FOXP1: variants seen among roughly 807,000 people sequenced by gnomAD.
The protein encoded by FOXP1 is forkhead box P1, also known as forkhead box protein P1.
FOXP1 carries 15 observed loss-of-function variants against 98.2 expected under a neutral mutation model. That is an observed-to-expected ratio of 0.15 (90% CI 0.10 to 0.24). The LOEUF (loss-of-function observed/expected upper bound fraction) is 0.24. Ranked by LOEUF, FOXP1 falls within the 10% of genes least tolerant of loss-of-function variation. The probability of loss-of-function intolerance (pLI) is 1.00; values close to 1 mark genes in which losing one functional copy is unlikely to be tolerated. For missense variants in FOXP1, 633 were observed against 848.5 expected (o/e 0.75, Z 3.15); for synonymous variants, 371 against 314.5 (o/e 1.18, Z -1.90).
intron 2 of FOXP1, among the ~76,000 whole-genome samples, chr3:71,546,775 C>G (rs781109555): frequency 2.6e-5 from 4 of 152,214 alleles, no homozygotes; most frequent in Non-Finnish European, 5.9e-5. Flanking sequence ...GCAGCCCACT[C>G]TAAACGGACG....
chr3:71,510,785 G>A (rs1441657227), intron 2 of FOXP1, among the ~76,000 whole-genome samples: 4 of 152,200 alleles, frequency 2.6e-5, no homozygotes, highest in Non-Finnish European at 4.4e-5. Context: ...TTCCTGGCAT[G>A]AACTCCCCAA....
intron 17 of FOXP1, among the ~76,000 whole-genome samples, chr3:70,974,564 A>G (rs1290893065): frequency 6.6e-6 from 1 of 152,206 alleles, no homozygotes; most frequent in Non-Finnish European, 1.5e-5. Flanking sequence ...AAGTGCCGGG[A>G]TCACAGGCAG....
intron 6 of FOXP1, among the ~76,000 whole-genome samples, chr3:71,189,884 C>T (rs561985858): frequency 6.6e-6 from 1 of 152,306 alleles, no homozygotes; most frequent in South Asian, 2.1e-4. Flanking sequence ...CTGATGGAAC[C>T]TAGACTTCAC....
intron 4 of FOXP1, among the ~76,000 whole-genome samples, chr3:71,312,435 G>A (rs1348232800): frequency 6.6e-6 from 1 of 152,170 alleles, no homozygotes; most frequent in Non-Finnish European, 1.5e-5. Flanking sequence ...AGCTCCCCTT[G>A]GAAGGAGCTG....
At chr3:71,364,502 T>C (rs752959669) in intron 3 of FOXP1, among the ~76,000 whole-genome samples, 3 of 152,222 alleles carry the variant, frequency 2.0e-5, no homozygotes, top group Admixed American at 6.5e-5. Flanking sequence ...CAGTTGACAG[T>C]TTCCTAGTTG....
At chr3:71,397,478 T>C (rs1001453883) in intron 3 of FOXP1, among the ~76,000 whole-genome samples, 1 of 152,246 alleles carries the variant, frequency 6.6e-6, no homozygotes, top group African/African-American at 2.4e-5. Context: ...ACTTTCCAAA[T>C]GTACATTATG....
chr3:71,138,179 T>C (rs2059909466), intron 6 of FOXP1, among the ~76,000 whole-genome samples: 2 of 152,202 alleles, frequency 1.3e-5, no homozygotes, highest in Non-Finnish European at 2.9e-5. Context: ...ATGGTGACGC[T>C]GTCTGGAGAA....
At chr3:71,348,501 T>C (rs2107821971) in intron 4 of FOXP1, among the ~76,000 whole-genome samples, 1 of 141,062 alleles carries the variant, frequency 7.1e-6, no homozygotes, top group East Asian at 2.2e-4. Flanking sequence ...CCAGTTGCTG[T>C]GTTCAGTGTG....
At chr3:71,234,133 C>A (rs778288088) in intron 5 of FOXP1, among the ~76,000 whole-genome samples, 4 of 149,476 alleles carry the variant, frequency 2.7e-5, no homozygotes, top group African/African-American at 5.0e-5. Context: ...TCATTAAAAT[C>A]GCTTTTACAT....
chr3:71,562,153 A>G (rs929373613), intron 2 of FOXP1, among the ~76,000 whole-genome samples: 2 of 152,172 alleles, frequency 1.3e-5, no homozygotes, highest in Non-Finnish European at 2.9e-5. Flanking sequence ...AGAACTCTAC[A>G]TGAGTCCTCC....
At chr3:71,334,866 A>G (rs2076574593) in intron 4 of FOXP1, 1 of 152,252 alleles carries the variant, frequency 6.6e-6, no homozygotes. Flanking sequence ...AGCACTGAAC[A>G]TACCTGTATT....
intron 6 of FOXP1, among the ~76,000 whole-genome samples, chr3:71,179,036 G>A (rs1264784271): frequency 6.9e-6 from 1 of 143,900 alleles, no homozygotes; most frequent in African/African-American, 2.6e-5. Context: ...AAATTGACAA[G>A]ATGTTCAGGA....
At chr3:70,983,179 T>A (rs1559638132) in intron 14 of FOXP1, among the ~76,000 whole-genome samples, 1 of 151,974 alleles carries the variant, frequency 6.6e-6, no homozygotes, top group East Asian at 1.9e-4. Context: ...AGCCTGGCCC[T>A]GTTTTAGAGA....
At chr3:71,371,763 T>C (rs2079331635) in intron 3 of FOXP1, among the ~76,000 whole-genome samples, 1 of 152,142 alleles carries the variant, frequency 6.6e-6, no homozygotes, top group South Asian at 2.1e-4. Context: ...CACTCCAGCC[T>C]AGATGGCAGA....
Position 70,958,222 on chromosome 3 carries a change from A to G in FOXP1, c.*1025T>C, listed in dbSNP as rs1173552861. ...AAAAAAAAAAAAAGAAAAGAAAAGA[A>G]AAAAAGAAAATCCGAAACACCCCTC... On this transcript the variant is annotated 3_prime_UTR_variant, in exon 21 of 21. Transcript: ENST00000649528. 2 of 479,466 alleles carry G rather than the reference A, an allele frequency of 4.2e-6. No individual in the cohort carries two copies. Among genetic ancestry groups the G allele is most frequent in the East Asian group, 4.0e-5 (1 of 25,132 alleles). 29.7% of individuals were successfully genotyped at this position (479,466 alleles called of 1,614,324 possible). A position where few individuals can be genotyped will look rare whatever the true frequency, so the allele number is the denominator to read the frequency against.
intron 4 of FOXP1, among the ~76,000 whole-genome samples, chr3:71,358,490 G>A (rs542345842): frequency 6.6e-6 from 1 of 152,216 alleles, no homozygotes; most frequent in South Asian, 2.1e-4. Context: ...CATCACATTC[G>A]TAAGGAGTTT....
At chr3:70,973,033 C>CACCT (rs1168855000) in intron 17 of FOXP1, among the ~76,000 whole-genome samples, 5 of 152,226 alleles carry the variant, frequency 3.3e-5, no homozygotes, top group Admixed American at 3.3e-4. Context: ...TTTTTAAGCC[C>CACCT]ACCTACCTCC....
chr3:71,417,303 C>T (rs1560456268), intron 3 of FOXP1, among the ~76,000 whole-genome samples: 1 of 152,188 alleles, frequency 6.6e-6, no homozygotes, highest in Non-Finnish European at 1.5e-5. Context: ...GCATCTGTTT[C>T]GCATTGGCTA....
chr3:71,094,429 G>A (rs1423423663), intron 7 of FOXP1, among the ~76,000 whole-genome samples: 1 of 151,816 alleles, frequency 6.6e-6, no homozygotes. Flanking sequence ...ACAGGCGCAC[G>A]CCACCATGCC....
Sources: gnomAD v4.1 joint callset for allele counts (sites outside exome capture counted in the v4.1 genomes callset) on GRCh38, gnomAD v4.1.1 for gene constraint, MANE v1.5 for transcripts, NCBI Gene and HGNC (gene_info 2026-07-23, HGNC 2026-07-21) for gene names.